Variants in TEC observed in about 807,000 individuals in gnomAD.
TEC encodes the protein tyrosine-protein kinase Tec.
A neutral mutation model predicts 93.0 loss-of-function variants in TEC; 72 were observed. That is an observed-to-expected ratio of 0.77 (90% CI 0.64 to 0.94). The LOEUF is 0.94. Ranked by LOEUF, TEC falls within the 40% of genes least tolerant of loss-of-function variation. TEC has a pLI of 0.00. For synonymous variants in TEC, 249 were observed against 247.7 expected, an observed-to-expected ratio of 1.01 and a Z score of -0.05; for missense variants, 630 against 757.9, an observed-to-expected ratio of 0.83 and a Z score of 1.98.
intron 11 of TEC, 73 bp downstream of exon 11, chr4:48,149,484 A>G (rs1720066083): frequency 7.1e-7 from 1 of 1,400,416 alleles, no homozygotes. Context: ...AAACTGCTCA[A>G]GGAATTAATC....
At chr4:48,260,121 T>C (rs1264665157) in intron 1 of TEC, among the ~76,000 whole-genome samples, 6 of 152,246 alleles carry the variant, frequency 3.9e-5, no homozygotes, top group Admixed American at 3.3e-4. Flanking sequence ...CAGGTTCTTC[T>C]AGTTTTATCT....
chr4:48,187,290 T>C (rs1202042624), intron 2 of TEC, among the ~76,000 whole-genome samples: 2 of 152,162 alleles, frequency 1.3e-5, no homozygotes, highest in Admixed American at 6.5e-5. Flanking sequence ...GACACAAACA[T>C]TGCGGAAGGC....
At chr4:48,224,499 C>A (rs915901960) in intron 2 of TEC, among the ~76,000 whole-genome samples, 1 of 152,176 alleles carries the variant, frequency 6.6e-6, no homozygotes, top group Non-Finnish European at 1.5e-5. Flanking sequence ...CATTTAGCCC[C>A]GTGACTAGAA....
rs1283451900 is a variant in TEC, at chr4:48,269,815, G to C, written c.-109C>G. 1 of 152,214 alleles carries C rather than the reference G, an allele frequency of 6.6e-6. No homozygotes were observed. The highest frequency in any genetic ancestry group is 2.1e-4 in the South Asian group (1 of 4,826). 9.4% of individuals were successfully genotyped at this position (152,214 alleles called of 1,614,324 possible). On this transcript the variant is annotated 5_prime_UTR_variant, in exon 1 of 18. Transcript: ENST00000381501. ...TGCGAGGTGCAGTCTGCGCCGCGGA[G>C]TCCGGAGCCTAGCGCCCCAGAGTCC... is the stretch of plus-strand genomic sequence containing the variant.
intron 1 of TEC, among the ~76,000 whole-genome samples, chr4:48,250,821 A>AGCCCAGTTAAGATCAG (rs1724180274): frequency 6.6e-6 from 1 of 152,220 alleles, no homozygotes; most frequent in Admixed American, 6.5e-5. Flanking sequence ...GTTAAGATCA[A>AGCCCAGTTAAGATCAG]CCAAGCCCAG....
At chr4:48,148,861 T>A (rs573253831) in intron 11 of TEC, among the ~76,000 whole-genome samples, 4 of 152,146 alleles carry the variant, frequency 2.6e-5, no homozygotes, top group Non-Finnish European at 4.4e-5. Context: ...TGTGTGTTGT[T>A]CCCCTCTATG....
chr4:48,171,061 C>T (rs1721087537), intron 4 of TEC, among the ~76,000 whole-genome samples: 1 of 151,424 alleles, frequency 6.6e-6, no homozygotes, highest in Non-Finnish European at 1.5e-5. Context: ...AAAAAAAAAA[C>T]AAGAAAACAC....
At chr4:48,193,770 T>C (rs979394559) in intron 2 of TEC, among the ~76,000 whole-genome samples, 5 of 127,826 alleles carry the variant, frequency 3.9e-5, no homozygotes, top group African/African-American at 6.4e-5. Context: ...GCACTTCATG[T>C]GTTAGGGTTT....
intron 9 of TEC, 114 bp downstream of exon 9, chr4:48,156,566 A>C: frequency 1.2e-6 from 1 of 869,082 alleles, no homozygotes. Flanking sequence ...ATAGTTTTGC[A>C]TAGACTTGCT....
intron 14 of TEC, chr4:48,141,627 T>C (rs1271161286): frequency 1.2e-5 from 6 of 514,648 alleles, no homozygotes; most frequent in Non-Finnish European, 2.0e-5. Context: ...AAAGTTGTAT[T>C]TGCAATAAGG....
chr4:48,226,811 A>G (rs1367631080), intron 2 of TEC, among the ~76,000 whole-genome samples: 1 of 152,204 alleles, frequency 6.6e-6, no homozygotes, highest in African/African-American at 2.4e-5. Context: ...ATCAAATTAT[A>G]ACAAATTATT....
At chr4:48,227,817 T>C (rs1250492951) in intron 2 of TEC, among the ~76,000 whole-genome samples, 1 of 152,066 alleles carries the variant, frequency 6.6e-6, no homozygotes, top group East Asian at 1.9e-4. Context: ...ACACCCAACA[T>C]GTCAGAAGCA....
At position 48,136,189 on chromosome 4, in the gene TEC, T is replaced by C. The variant is rs1238684300; in HGVS notation, c.*1227A>G. 2 of 152,260 alleles carry C rather than the reference T, an allele frequency of 1.3e-5. No homozygotes were observed. Among genetic ancestry groups the C allele is most frequent in the African/African-American group, 4.8e-5 (2 of 41,460 alleles). The allele number at this position is 152,260 out of a possible 1,614,324, so 9.4% of individuals were successfully genotyped here. The stretch of plus-strand genomic sequence containing the variant: ...GGCAAAAAGGAAGGCCCTAATTCCG[T>C]TGATGTCTTAGTAGAGCTTCTAAGG... On this transcript the variant is annotated 3_prime_UTR_variant, in exon 18 of 18. Transcript: ENST00000381501.
chr4:48,148,544 T>C (rs1720012316), intron 11 of TEC, among the ~76,000 whole-genome samples: 1 of 152,340 alleles, frequency 6.6e-6, no homozygotes, highest in African/African-American at 2.4e-5. Flanking sequence ...TTGTGGGACA[T>C]GATTACTCTA....
chr4:48,207,905 A>C (rs1400205354), intron 2 of TEC, among the ~76,000 whole-genome samples: 1 of 152,246 alleles, frequency 6.6e-6, no homozygotes, highest in Non-Finnish European at 1.5e-5. Flanking sequence ...AAAATGTATA[A>C]ATCCTAATAG....
chr4:48,160,766 G>GA (rs200086372), intron 8 of TEC, among the ~76,000 whole-genome samples: 6 of 106,706 alleles, frequency 5.6e-5, no homozygotes, highest in African/African-American at 2.1e-4. Flanking sequence ...AGAAAGAAAA[G>GA]AAAAAAAGAA....
chr4:48,215,220 G>A (rs943656190), intron 2 of TEC, among the ~76,000 whole-genome samples: 39 of 151,868 alleles, frequency 2.6e-4, no homozygotes, highest in African/African-American at 8.4e-4. Context: ...TTATAAAAAG[G>A]CCTGTGCCGG....
chr4:48,252,598 G>A lies in TEC; in HGVS notation c.-46+17154C>T, dbSNP rs753330361. Among the ~76,000 whole-genome samples the A allele has an allele frequency of 2.8e-4, 42 of 152,310 alleles. No individual in the cohort carries two copies. In the Middle Eastern group the frequency reaches 0.01, roughly 37 times the overall value. On this transcript the variant is annotated intron_variant, in intron 1 of 17. Transcript: ENST00000381501. ...TCCCTGCCCAAGGCAGCAGGTCTAA[G>A]AAACATTCTGTGAAGAGGCAGAGGT...
chr4:48,219,426 C>G (rs1723182813), intron 2 of TEC, among the ~76,000 whole-genome samples: 1 of 152,240 alleles, frequency 6.6e-6, no homozygotes, highest in Non-Finnish European at 1.5e-5. Flanking sequence ...ATCCGGAGGC[C>G]TAAACCCCTC....
Sources: gnomAD v4.1 joint callset for allele counts (sites outside exome capture counted in the v4.1 genomes callset) on GRCh38, gnomAD v4.1.1 for gene constraint, MANE v1.5 for transcripts, NCBI Gene and HGNC (gene_info 2026-07-23, HGNC 2026-07-21) for gene names.